The following SLC24A2 variants were observed in gnomAD, a reference collection of about 807,000 sequenced individuals.
SLC24A2 encodes the protein sodium/potassium/calcium exchanger 2.
In SLC24A2, 36 loss-of-function variants were observed where a neutral mutation model predicts 62.0. That is an observed-to-expected ratio of 0.58 (90% CI 0.44 to 0.77). SLC24A2 has a LOEUF of 0.77. Ranked by LOEUF, SLC24A2 falls within the 30% of genes least tolerant of loss-of-function variation. The probability of loss-of-function intolerance (pLI) is 0.00; values close to 1 mark genes in which losing one functional copy is unlikely to be tolerated. For missense variants in SLC24A2, 846 were observed against 817.9 expected (o/e 1.03, Z -0.42); for synonymous variants, 358 against 294.0 (o/e 1.22, Z -2.23).
At chr9:19,916,623 C>T in the SLC24A2 span, among the ~76,000 whole-genome samples, 2 of 151,788 alleles carry the variant, frequency 1.3e-5, no homozygotes, top group African/African-American at 2.4e-5. Context: ...TTTATATCTG[C>T]TTTTTTCCAC....
intron 7 of SLC24A2, among the ~76,000 whole-genome samples, chr9:19,562,366 T>C (rs1023394920): frequency 3.9e-5 from 6 of 152,216 alleles, no homozygotes; most frequent in Non-Finnish European, 4.4e-5. Flanking sequence ...TAGCCCTTAA[T>C]GTATCTTATG....
chr9:19,956,611 A>AAG, the SLC24A2 span, among the ~76,000 whole-genome samples: 1 of 152,312 alleles, frequency 6.6e-6, no homozygotes, highest in South Asian at 2.1e-4. Flanking sequence ...GGCAGCAGGC[A>AAG]AGAGAGAGAG....
chr9:20,301,456 A>G, the SLC24A2 span, among the ~76,000 whole-genome samples: 1 of 152,120 alleles, frequency 6.6e-6, no homozygotes, highest in African/African-American at 2.4e-5. Flanking sequence ...CTATGTGTAT[A>G]CTTTCACAAA....
chr9:19,956,683 C>T, the SLC24A2 span, among the ~76,000 whole-genome samples: 1 of 152,122 alleles, frequency 6.6e-6, no homozygotes, highest in African/African-American at 2.4e-5. Flanking sequence ...TTCACTATCA[C>T]GAGAACAGCA....
the SLC24A2 span, among the ~76,000 whole-genome samples, chr9:20,216,146 A>C: frequency 6.6e-6 from 1 of 152,188 alleles, no homozygotes; most frequent in Non-Finnish European, 1.5e-5. Flanking sequence ...TTAGCTCCTG[A>C]TATCAACGGT....
rs562091362 is a variant in SLC24A2, at chr9:19,665,272, G to A, written c.931-42973C>T. ...TCCAAGGAAAAAGTAGGCGGTTTAC[G>A]CTCACTGGTGGCAGTGGAGATGAGA... On this transcript the variant is annotated intron_variant, in intron 2 of 10. Coordinates refer to ENST00000341998, the MANE Select transcript of SLC24A2 (RefSeq NM_020344.4). 7.6e-4 allele frequency among the ~76,000 whole-genome samples: 116 copies of A among 152,280 alleles called. 1 individual carries two copies. Among genetic ancestry groups the A allele is most frequent in the Non-Finnish European group, 8.5e-4 (58 of 68,018 alleles).
the SLC24A2 span, among the ~76,000 whole-genome samples, chr9:19,913,737 G>T: frequency 6.6e-6 from 1 of 152,160 alleles, no homozygotes; most frequent in East Asian, 1.9e-4. Context: ...AGGTATAAGA[G>T]AAATTTTGTT....
chr9:20,225,560 TTA>T, the SLC24A2 span, among the ~76,000 whole-genome samples: 8 of 100,252 alleles, frequency 8.0e-5, 2 homozygotes, highest in Admixed American at 4.5e-4. Flanking sequence ...ACTATATATA[TTA>T]TATATATATA....
rs545656034 is a variant in SLC24A2, at chr9:19,605,268, T to G, written c.1079-7989A>C. ...AGAGAATAAATGCTTCTGTAGATTT[T>G]TTATCAATATATTGGAAAGATACAT... On this transcript the variant is annotated intron_variant, in intron 4 of 10. Transcript: ENST00000341998. Among the ~76,000 whole-genome samples the G allele has an allele frequency of 3.3e-5, 5 of 152,294 alleles. No individual in the cohort carries two copies. The South Asian group carries it at 8.3e-4, about 25-fold the overall frequency.
chr9:19,882,512 C>T, the SLC24A2 span, among the ~76,000 whole-genome samples: 1 of 152,060 alleles, frequency 6.6e-6, no homozygotes, highest in Non-Finnish European at 1.5e-5. Context: ...GCCCCCCACC[C>T]ACTTTCCTTA....
the SLC24A2 span, among the ~76,000 whole-genome samples, chr9:20,018,592 T>C: frequency 2.6e-5 from 4 of 152,186 alleles, no homozygotes; most frequent in African/African-American, 4.8e-5. Context: ...CTTAAATATG[T>C]GTTACTTTTA....
At chr9:20,189,378 T>C in the SLC24A2 span, among the ~76,000 whole-genome samples, 1 of 152,154 alleles carries the variant, frequency 6.6e-6, no homozygotes, top group Admixed American at 6.5e-5. Context: ...AAGCCAGTCA[T>C]CATAACTGGG....
chr9:19,567,071 C>T (rs1360818686), intron 7 of SLC24A2, among the ~76,000 whole-genome samples: 1 of 150,948 alleles, frequency 6.6e-6, no homozygotes, highest in Non-Finnish European at 1.5e-5. Context: ...AATAAACCTG[C>T]ACGTTGTGCA....
chr9:19,999,556 A>G, the SLC24A2 span, among the ~76,000 whole-genome samples: 75 of 152,344 alleles, frequency 4.9e-4, no homozygotes, highest in African/African-American at 1.7e-3. Flanking sequence ...TCTATATTTC[A>G]TCCTCATGGC....
chr9:19,825,084 T>C, the SLC24A2 span, among the ~76,000 whole-genome samples: 4 of 152,102 alleles, frequency 2.6e-5, no homozygotes, highest in African/African-American at 9.7e-5. Context: ...GCTTAAAACC[T>C]AGATGATGGA....
At chr9:19,634,729 C>T (rs543499797) in intron 2 of SLC24A2, among the ~76,000 whole-genome samples, 3 of 152,316 alleles carry the variant, frequency 2.0e-5, no homozygotes, top group South Asian at 2.1e-4. Flanking sequence ...GTCATCTAAT[C>T]TTTATAGAAC....
intron 7 of SLC24A2, among the ~76,000 whole-genome samples, chr9:19,563,295 G>A (rs776402790): frequency 4.6e-5 from 7 of 152,034 alleles, no homozygotes; most frequent in Non-Finnish European, 1.0e-4. Flanking sequence ...ATACTTCACT[G>A]ATGTTCCAGG....
chr9:20,008,811 C>G, the SLC24A2 span, among the ~76,000 whole-genome samples: 1 of 152,266 alleles, frequency 6.6e-6, no homozygotes, highest in Non-Finnish European at 1.5e-5. Flanking sequence ...TGGCAGCACT[C>G]AGGGCCTTCA....
chr9:19,636,314 C>CT lies in SLC24A2; in HGVS notation c.931-14016dup, dbSNP rs748916889. On this transcript the variant is annotated intron_variant, in intron 2 of 10. Coordinates refer to ENST00000341998, the MANE Select transcript of SLC24A2 (RefSeq NM_020344.4). ...CTTTTCTTTTCTTTTCTTTTCTTTT[C>CT]TTTTCTTTCTTTCTTTCTTTCTTTC... 2.0e-3 allele frequency among the ~76,000 whole-genome samples: 42 copies of CT among 21,254 alleles called. 5 individuals carry two copies. Among genetic ancestry groups the CT allele is most frequent in the South Asian group, 8.5e-3 (4 of 468 alleles). 13.9% of individuals were successfully genotyped at this position (21,254 alleles called of 152,430 possible).
Sources: gnomAD v4.1 joint callset for allele counts (sites outside exome capture counted in the v4.1 genomes callset) on GRCh38, gnomAD v4.1.1 for gene constraint, MANE v1.5 for transcripts, NCBI Gene and HGNC (gene_info 2026-07-23, HGNC 2026-07-21) for gene names.